Variants in XRCC4 observed in about 807,000 individuals in gnomAD.
XRCC4 encodes X-ray repair cross complementing 4.
A neutral mutation model predicts 39.1 loss-of-function variants in XRCC4; 28 were observed. That is an observed-to-expected ratio of 0.72 (90% CI 0.53 to 0.98). The LOEUF (loss-of-function observed/expected upper bound fraction) is 0.98, where lower values mean the gene tolerates loss of function less well. Ranked by LOEUF, XRCC4 falls within the 50% of genes least tolerant of loss-of-function variation. The pLI is 0.00. For missense variants in XRCC4, 350 were observed against 376.4 expected (o/e 0.93, Z 0.58); for synonymous variants, 123 against 126.4 (o/e 0.97, Z 0.18).
intron 6 of XRCC4, among the ~76,000 whole-genome samples, chr5:83,235,615 A>G (rs1752661047): frequency 6.6e-6 from 1 of 152,166 alleles, no homozygotes; most frequent in South Asian, 2.1e-4. Context: ...ATCATACTGA[A>G]CGGGAAAAAA....
At chr5:83,348,245 G>A (rs7736592) in intron 7 of XRCC4, among the ~76,000 whole-genome samples, 38,871 of 152,114 alleles carry the variant, frequency 0.26, 7,226 homozygotes, top group East Asian at 0.71. Context: ...CCCTTTGAGG[G>A]CTCCAACCAC....
intron 6 of XRCC4, among the ~76,000 whole-genome samples, chr5:83,254,127 G>C (rs1303596761): frequency 1.4e-5 from 2 of 147,210 alleles, no homozygotes; most frequent in African/African-American, 5.1e-5. Flanking sequence ...AAAAATCCTG[G>C]AAATGGTAAA....
chr5:83,186,033 A>T (rs183094740), intron 3 of XRCC4, among the ~76,000 whole-genome samples: 7 of 152,172 alleles, frequency 4.6e-5, no homozygotes, highest in African/African-American at 1.4e-4. Context: ...AACTCTTACT[A>T]TGAGCATAGA....
At chr5:83,128,270 A>C (rs1747376767) in intron 3 of XRCC4, among the ~76,000 whole-genome samples, 2 of 152,126 alleles carry the variant, frequency 1.3e-5, no homozygotes, top group Admixed American at 1.3e-4. Flanking sequence ...GATGGTTTCC[A>C]GCTTCATCCA....
intron 6 of XRCC4, among the ~76,000 whole-genome samples, chr5:83,247,704 T>C (rs1337709308): frequency 6.6e-6 from 1 of 152,204 alleles, no homozygotes; most frequent in Non-Finnish European, 1.5e-5. Flanking sequence ...TACAGTTTTT[T>C]AATGAAACTG....
At chr5:83,152,998 C>G (rs576113965) in intron 3 of XRCC4, among the ~76,000 whole-genome samples, 1 of 152,134 alleles carries the variant, frequency 6.6e-6, no homozygotes, top group Non-Finnish European at 1.5e-5. Context: ...GTCACAAATA[C>G]GTTTCTATGA....
intron 3 of XRCC4, among the ~76,000 whole-genome samples, chr5:83,162,298 C>T (rs1749254151): frequency 6.6e-6 from 1 of 151,914 alleles, no homozygotes; most frequent in Admixed American, 6.6e-5. Flanking sequence ...ATGCTAATGC[C>T]CTCTTAAAGT....
At chr5:83,328,837 A>G (rs1007635532) in intron 7 of XRCC4, among the ~76,000 whole-genome samples, 13 of 152,294 alleles carry the variant, frequency 8.5e-5, no homozygotes, top group Non-Finnish European at 1.2e-4. Flanking sequence ...ATGCATATAT[A>G]CAAATTTGGC....
intron 7 of XRCC4, among the ~76,000 whole-genome samples, chr5:83,345,293 G>A (rs900576564): frequency 6.6e-6 from 1 of 151,968 alleles, no homozygotes; most frequent in South Asian, 2.1e-4. Context: ...TTATTTCAAG[G>A]TAATAAAGAC....
chr5:83,225,293 G>C (rs1471835458), intron 6 of XRCC4, among the ~76,000 whole-genome samples: 1 of 152,066 alleles, frequency 6.6e-6, no homozygotes, highest in Non-Finnish European at 1.5e-5. Context: ...GGTGTTGAAT[G>C]TGTGTTCTAG....
chr5:83,122,625 G>C (rs1747064786), intron 3 of XRCC4, among the ~76,000 whole-genome samples: 1 of 152,144 alleles, frequency 6.6e-6, no homozygotes, highest in Non-Finnish European at 1.5e-5. Flanking sequence ...GAAGCAGAAA[G>C]TGAGGTCACT....
intron 6 of XRCC4, among the ~76,000 whole-genome samples, chr5:83,217,953 G>A (rs1751927685): frequency 6.6e-6 from 1 of 151,934 alleles, no homozygotes; most frequent in African/African-American, 2.4e-5. Context: ...ACATTAACTT[G>A]TGTCATCTAT....
At chr5:83,213,784 A>G (rs778268679) in intron 6 of XRCC4, among the ~76,000 whole-genome samples, 2 of 152,228 alleles carry the variant, frequency 1.3e-5, no homozygotes, top group Admixed American at 6.5e-5. Flanking sequence ...ACAAATATCC[A>G]TCATGAACAT....
intron 7 of XRCC4, among the ~76,000 whole-genome samples, chr5:83,292,892 A>T (rs1439557321): frequency 6.6e-6 from 1 of 151,970 alleles, no homozygotes; most frequent in Non-Finnish European, 1.5e-5. Flanking sequence ...GAAAAGAAGA[A>T]GTTAAGTCTT....
intron 1 of XRCC4, among the ~76,000 whole-genome samples, chr5:83,091,169 G>A (rs564169002): frequency 6.6e-6 from 1 of 152,258 alleles, no homozygotes; most frequent in African/African-American, 2.4e-5. Context: ...TTTTCACACT[G>A]CTATGAGGAA....
intron 6 of XRCC4, among the ~76,000 whole-genome samples, chr5:83,226,608 TCCTCTC>T (rs1752300453): frequency 2.0e-5 from 3 of 152,132 alleles, no homozygotes; most frequent in African/African-American, 7.2e-5. Context: ...ATCCAGACCC[TCCTCTC>T]TAAAAGGAGA....
chr5:83,286,866 T>C (rs1754751983), intron 7 of XRCC4, among the ~76,000 whole-genome samples: 2 of 151,958 alleles, frequency 1.3e-5, no homozygotes. Flanking sequence ...ACGATGTGCA[T>C]GTAAAGTAGT....
At chr5:83,218,763 A>G (rs767483198) in intron 6 of XRCC4, among the ~76,000 whole-genome samples, 6 of 152,042 alleles carry the variant, frequency 3.9e-5, no homozygotes, top group Non-Finnish European at 7.4e-5. Context: ...ATGCTACTTA[A>G]TTTGGTTTAT....
At chr5:83,267,889 G>T (rs939964529) in intron 7 of XRCC4, among the ~76,000 whole-genome samples, 1 of 152,130 alleles carries the variant, frequency 6.6e-6, no homozygotes, top group African/African-American at 2.4e-5. Context: ...GTATCATTGA[G>T]GTGCTTAGAA....
Sources: allele counts gnomAD v4.1 joint callset (sites outside exome capture counted in the v4.1 genomes callset), GRCh38; gene constraint gnomAD v4.1.1; transcripts MANE v1.5; gene names NCBI Gene and HGNC (gene_info 2026-07-23, HGNC 2026-07-21).